The following PRORP variants were observed in gnomAD, a reference collection of about 807,000 sequenced individuals.
PRORP encodes mitochondrial ribonuclease P catalytic subunit.
Under a neutral mutation model 59.4 loss-of-function variants are expected in PRORP, and 51 were observed. That is an observed-to-expected ratio of 0.86 (90% CI 0.69 to 1.08). PRORP has a LOEUF of 1.08. Among genes scored for constraint, PRORP ranks in the 50% least tolerant of loss-of-function variants. The pLI is 0.00. For synonymous variants in PRORP, 231 were observed against 245.6 expected (o/e 0.94, Z 0.55); for missense variants, 646 against 690.3 (o/e 0.94, Z 0.72).
chr14:35,184,915 A>G (rs144513259), intron 5 of PRORP, among the ~76,000 whole-genome samples: 29 of 152,044 alleles, frequency 1.9e-4, no homozygotes, highest in African/African-American at 5.3e-4. Context: ...TCTTTATCCA[A>G]TCTGTCATTG....
chr14:35,178,642 A>G (rs1210082385), intron 4 of PRORP, among the ~76,000 whole-genome samples: 3 of 152,174 alleles, frequency 2.0e-5, no homozygotes, highest in African/African-American at 7.2e-5. Flanking sequence ...GTGTCTCTGC[A>G]TGTGAGATGG....
chr14:35,172,453 C>CTTCCTTCCTTCTTTCTTTCT, intron 4 of PRORP, among the ~76,000 whole-genome samples: 5 of 46,756 alleles, frequency 1.1e-4, no homozygotes, highest in African/African-American at 3.0e-4. Context: ...TCCTTCCTTC[C>CTTCCTTCCTTCTTTCTTTCT]TTCTTTCTTT....
At position 35,135,059 on chromosome 14, in the gene PRORP, A is replaced by G. The variant is rs76135586; in HGVS notation, c.1167+7448A>G. On this transcript the variant is annotated intron_variant, in intron 4 of 7. Coordinates refer to ENST00000534898, the MANE Select transcript of PRORP (RefSeq NM_014672.4). ...TGTTCTATTTTTGCTTTCTGCTATA[A>G]CAGGGCAGCACTGAGTTCAATGCAG... 4.9e-3 allele frequency among the ~76,000 whole-genome samples: 749 copies of G among 152,260 alleles called. 8 individuals are homozygous for G. The highest frequency in any genetic ancestry group is 0.017 in the African/African-American group (713 of 41,556).
At chr14:35,250,500 C>T (rs867521832) in intron 5 of PRORP, among the ~76,000 whole-genome samples, 1 of 152,204 alleles carries the variant, frequency 6.6e-6, no homozygotes, top group South Asian at 2.1e-4. Flanking sequence ...AGATCAGAAG[C>T]TGCCAGGGAA....
Position 35,274,220 on chromosome 14 carries a change from T to C in PRORP, c.*654T>C, listed in dbSNP as rs1048094163. 1 of 152,112 alleles carries C rather than the reference T, an allele frequency of 6.6e-6. No individual in the cohort carries two copies. Among genetic ancestry groups the C allele is most frequent in the Non-Finnish European group, 1.5e-5 (1 of 68,046 alleles). The allele number at this position is 152,112 out of a possible 1,614,324, so 9.4% of individuals were successfully genotyped here. A position where few individuals can be genotyped will look rare whatever the true frequency, so the allele number is the denominator to read the frequency against. ...TGGAGTGCAGTGACGTGATCACAGT[T>C]CACTGCAGCCTCAAACTCCCAGGCT... On this transcript the variant is annotated 3_prime_UTR_variant, in exon 8 of 8. Transcript: ENST00000534898.
chr14:35,136,411 G>T (rs1489554367), intron 4 of PRORP, among the ~76,000 whole-genome samples: 1 of 150,290 alleles, frequency 6.7e-6, no homozygotes, highest in African/African-American at 2.4e-5. Context: ...TTTCGCTGTT[G>T]TTGCCCAGGC....
chr14:35,156,584 G>A (rs1208110473), intron 4 of PRORP, among the ~76,000 whole-genome samples: 2 of 152,212 alleles, frequency 1.3e-5, no homozygotes, highest in Non-Finnish European at 2.9e-5. Context: ...CTTTAACAGT[G>A]TGATTCTTTG....
chr14:35,239,019 G>T (rs1051530726), intron 5 of PRORP, among the ~76,000 whole-genome samples: 11 of 152,052 alleles, frequency 7.2e-5, no homozygotes, highest in African/African-American at 2.7e-4. Flanking sequence ...AAGGAAACTG[G>T]CTTAAAAGGC....
chr14:35,262,712 A>G, intron 5 of PRORP: 1 of 839,370 alleles, frequency 1.2e-6, no homozygotes, highest in Non-Finnish European at 2.1e-6. Flanking sequence ...AGGGTGTTAC[A>G]CTGGGCTTCC....
At chr14:35,134,001 A>C (rs1187126968) in intron 4 of PRORP, among the ~76,000 whole-genome samples, 2 of 152,174 alleles carry the variant, frequency 1.3e-5, no homozygotes, top group Non-Finnish European at 2.9e-5. Context: ...GTGTTCACTC[A>C]AGGCCCTGGG....
intron 5 of PRORP, among the ~76,000 whole-genome samples, chr14:35,217,617 A>G (rs1192636760): frequency 6.7e-6 from 1 of 149,838 alleles, no homozygotes; most frequent in Non-Finnish European, 1.5e-5. Flanking sequence ...CTTTGAGTTG[A>G]TTTTTGTACT....
intron 4 of PRORP, among the ~76,000 whole-genome samples, chr14:35,153,895 G>A (rs754706428): frequency 8.5e-5 from 13 of 152,188 alleles, no homozygotes; most frequent in Non-Finnish European, 1.9e-4. Context: ...ATTTTAACTT[G>A]CTTTTTAAAA....
At chr14:35,259,993 G>GTTTT (rs557378360) in intron 5 of PRORP, among the ~76,000 whole-genome samples, 199 of 81,118 alleles carry the variant, frequency 2.5e-3, no homozygotes, top group East Asian at 3.8e-3. Context: ...GGTTTTTCGG[G>GTTTT]TTTTTTTTTT....
chr14:35,238,306 A>T (rs2050272534), intron 5 of PRORP, among the ~76,000 whole-genome samples: 2 of 152,194 alleles, frequency 1.3e-5, no homozygotes, highest in African/African-American at 4.8e-5. Context: ...TGTAATTCCC[A>T]AACCCACATA....
intron 4 of PRORP, among the ~76,000 whole-genome samples, chr14:35,160,205 C>G (rs868354581): frequency 1.6e-4 from 25 of 152,326 alleles, no homozygotes; most frequent in Non-Finnish European, 1.8e-4. Context: ...ATGAATGTTC[C>G]TGGGATATCC....
At chr14:35,132,464 A>G (rs2047268786) in intron 4 of PRORP, among the ~76,000 whole-genome samples, 1 of 150,954 alleles carries the variant, frequency 6.6e-6, no homozygotes, top group African/African-American at 2.4e-5. Flanking sequence ...ATCTCAAAAA[A>G]ATAAAAAACA....
In PRORP at chr14:35,124,224, T is replaced by A; in HGVS notation, c.979T>A (p.Phe327Ile). ...ESFAHSIKTW[F>I]ESVPGKQWKG... Reference sequence around the variant, plus strand: ...ATTTGCACACAGTATAAAAACATGGTTTGAGAGGTAATTTTGGTTTTTTTA... The same window carrying A: ...ATTTGCACACAGTATAAAAACATGGATTGAGAGGTAATTTTGGTTTTTTTA... Residue 327 changes from phenylalanine to isoleucine, a missense_variant, in exon 2 of 8, where the codon TTT becomes ATT. By Grantham distance (21) the Phe-to-Ile change is conservative. Coordinates refer to ENST00000534898, the MANE Select transcript of PRORP (RefSeq NM_014672.4). 1 of 1,528,590 alleles carries A rather than the reference T, an allele frequency of 6.5e-7. No homozygotes were observed. The highest frequency in any genetic ancestry group is 8.8e-7 in the Non-Finnish European group (1 of 1,142,658). 94.7% of individuals were successfully genotyped at this position (1,528,590 alleles called of 1,614,324 possible). A position where few individuals can be genotyped will look rare whatever the true frequency, so the allele number is the denominator to read the frequency against.
chr14:35,245,856 G>T (rs540926344), intron 5 of PRORP, among the ~76,000 whole-genome samples: 18 of 152,178 alleles, frequency 1.2e-4, no homozygotes, highest in Middle Eastern at 3.4e-3. Flanking sequence ...TCTTTCTTGG[G>T]TTAGTCTCTT....
chr14:35,273,553 A>C lies in PRORP; in HGVS notation c.1739A>C (p.His580Pro). 6.2e-7 allele frequency: 1 copy of C among 1,613,022 alleles called. No homozygotes were observed. Residue 580 changes from histidine to proline, a missense_variant, in exon 8 of 8, where the codon CAC becomes CCC. Physicochemically the swap from His to Pro is moderately conservative, Grantham distance 77 (BLOSUM62 -2). Transcript: ENST00000534898. ...CEVPTKWLCLHQKT is the reference protein window; with the variant it reads ...CEVPTKWLCLPQKT ...GTACCAACCAAATGGCTTTGCCTCC[A>C]CCAAAAGACATAGAGATTCTTACCT...
Sources: allele counts gnomAD v4.1 joint callset (sites outside exome capture counted in the v4.1 genomes callset), GRCh38; gene constraint gnomAD v4.1.1; transcripts MANE v1.5; gene names NCBI Gene and HGNC (gene_info 2026-07-23, HGNC 2026-07-21).